Variants in BICD2 observed in about 807,000 individuals in gnomAD.
BICD2 encodes the protein protein bicaudal D homolog 2.
Under a neutral mutation model 72.9 loss-of-function variants are expected in BICD2, and 25 were observed. The ratio of observed to expected loss-of-function variants is 0.34; its 90% CI spans 0.25 to 0.48. The LOEUF (loss-of-function observed/expected upper bound fraction) is 0.48. Among genes scored for constraint, BICD2 ranks in the 20% least tolerant of loss-of-function variants. The pLI is 0.99. For missense variants in BICD2, 894 were observed against 1,175.2 expected (o/e 0.76, Z 3.50); for synonymous variants, 501 against 516.1 (o/e 0.97, Z 0.40).
chr9:92,746,670 C>T (rs899572719), intron 1 of BICD2, among the ~76,000 whole-genome samples: 1 of 152,162 alleles, frequency 6.6e-6, no homozygotes, highest in Non-Finnish European at 1.5e-5. Flanking sequence ...GGATGATGCT[C>T]AGCAGCAAGA....
At chr9:92,719,872 T>C (rs1853422615) in intron 4 of BICD2, among the ~76,000 whole-genome samples, 2 of 152,226 alleles carry the variant, frequency 1.3e-5, no homozygotes, top group African/African-American at 2.4e-5. Context: ...AAAGTGGAGC[T>C]CTAGGCTGGC....
chr9:92,723,494 T>C (rs1587672218), intron 2 of BICD2, among the ~76,000 whole-genome samples: 1 of 152,302 alleles, frequency 6.6e-6, no homozygotes, highest in East Asian at 1.9e-4. Context: ...TCCATTTCCA[T>C]GAAATATCCA....
In BICD2 at chr9:92,713,152, G is replaced by A. The variant is rs766953133; in HGVS notation, c.*2002C>T. ...ATAAAAAAAGAACATGTGTAACAAG[G>A]AGCCCCCGTGGTGGGCGTTTCCAGT... is the stretch of plus-strand genomic sequence containing the variant. On this transcript the variant is annotated 3_prime_UTR_variant, in exon 7 of 7. Transcript: ENST00000356884. 1.0e-4 allele frequency: 44 copies of A among 426,482 alleles called. No homozygotes were observed. Among genetic ancestry groups the A allele is most frequent in the Non-Finnish European group, 1.7e-4 (41 of 236,958 alleles). The allele number at this position is 426,482 out of a possible 1,614,324, so 26.4% of individuals were successfully genotyped here. A position where few individuals can be genotyped will look rare whatever the true frequency, so the allele number is the denominator to read the frequency against.
chr9:92,735,394 G>T (rs1486751914), intron 1 of BICD2, among the ~76,000 whole-genome samples: 1 of 152,020 alleles, frequency 6.6e-6, no homozygotes, highest in Admixed American at 6.5e-5. Flanking sequence ...CCAGGAGGGA[G>T]AAATCACAGG....
intron 6 of BICD2, among the ~76,000 whole-genome samples, chr9:92,715,975 G>A (rs79728584): frequency 6.6e-6 from 1 of 152,140 alleles, no homozygotes; most frequent in Non-Finnish European, 1.5e-5. Context: ...CAGAGCCAAG[G>A]AACCACGTGT....
At chr9:92,728,563 C>T (rs1043230446) in intron 2 of BICD2, among the ~76,000 whole-genome samples, 4 of 152,226 alleles carry the variant, frequency 2.6e-5, no homozygotes, top group Non-Finnish European at 5.9e-5. Context: ...GACACGCACA[C>T]CCTACCTCGA....
At chr9:92,739,076 C>A (rs1223778133) in intron 1 of BICD2, among the ~76,000 whole-genome samples, 1 of 152,180 alleles carries the variant, frequency 6.6e-6, no homozygotes, top group African/African-American at 2.4e-5. Context: ...GGCCCTCCCA[C>A]CACCTGCTAA....
At chr9:92,746,806 AG>A (rs1854023409) in intron 1 of BICD2, among the ~76,000 whole-genome samples, 1 of 152,244 alleles carries the variant, frequency 6.6e-6, no homozygotes. Context: ...CTGGGTGGAC[AG>A]GAAGAGTCTG....
At position 92,712,996 on chromosome 9, in the gene BICD2, A is replaced by C. The variant is rs895190757; in HGVS notation, c.*2158T>G. On this transcript the variant is annotated 3_prime_UTR_variant, in exon 7 of 7. Coordinates refer to ENST00000356884, the MANE Select transcript of BICD2 (RefSeq NM_001003800.2). Reference sequence around the variant, plus strand: ...CTCTGCCTCGTGCTGACACCAGACAAACACGGTGGGAGCTGAGGCGGACAG... The same window carrying C: ...CTCTGCCTCGTGCTGACACCAGACACACACGGTGGGAGCTGAGGCGGACAG... 1 of 171,924 alleles carries C rather than the reference A, an allele frequency of 5.8e-6. No individual in the cohort carries two copies. The highest frequency in any genetic ancestry group is 1.3e-5 in the Non-Finnish European group (1 of 78,972). The allele number at this position is 171,924 out of a possible 1,614,324, so 10.6% of individuals were successfully genotyped here.
intron 5 of BICD2, 150 bp downstream of exon 5, chr9:92,718,389 G>T: frequency 2.1e-6 from 2 of 943,162 alleles, no homozygotes; most frequent in East Asian, 2.7e-5. Context: ...AGCAGGGGAG[G>T]GTAGGCAGTC....
intron 1 of BICD2, among the ~76,000 whole-genome samples, chr9:92,739,287 T>C (rs1235087089): frequency 1.3e-5 from 2 of 152,210 alleles, no homozygotes. Flanking sequence ...GCATGCCTGG[T>C]CTCTGGTAGG....
At chr9:92,761,555 C>T (rs1237389413) in intron 1 of BICD2, among the ~76,000 whole-genome samples, 3 of 152,212 alleles carry the variant, frequency 2.0e-5, no homozygotes, top group African/African-American at 7.2e-5. Context: ...ATTACCCTCC[C>T]CTGACCATGA....
At chr9:92,729,300 AGCTCACAG>A (rs1250358902) in intron 1 of BICD2, 64 bp from the exon 2 acceptor site, 2 of 1,537,396 alleles carry the variant, frequency 1.3e-6, no homozygotes, top group Admixed American at 3.5e-5. Context: ...ATAGAGACCC[AGCTCACAG>A]GCGACATTCA....
intron 1 of BICD2, among the ~76,000 whole-genome samples, chr9:92,731,227 G>C (rs552792533): frequency 6.6e-6 from 1 of 152,282 alleles, no homozygotes; most frequent in East Asian, 1.9e-4. Flanking sequence ...ACACACCCAC[G>C]AGCCTGGAGC....
chr9:92,715,486 T>G (rs1311942841), intron 6 of BICD2, 23 bp from the exon 7 acceptor site: 2 of 1,558,670 alleles, frequency 1.3e-6, no homozygotes, highest in Admixed American at 1.8e-5. Context: ...AAAACATGAC[T>G]GAGGGGCGGG....
chr9:92,712,441 C>T lies in BICD2; in HGVS notation c.*2713G>A, dbSNP rs1247720753. On this transcript the variant is annotated 3_prime_UTR_variant, in exon 7 of 7. Transcript: ENST00000356884. ...CCTCCCTTAACTGATGAAGGCACTA[C>T]TGGCAATGATTACTAACAAAAAGGT... The T allele has an allele frequency of 6.6e-6, 1 of 152,554 alleles. No individual in the cohort carries two copies. The highest frequency in any genetic ancestry group is 1.5e-5 in the Non-Finnish European group (1 of 68,048). 9.5% of individuals were successfully genotyped at this position (152,554 alleles called of 1,614,324 possible).
chr9:92,751,103 G>A (rs1318200176), intron 1 of BICD2, among the ~76,000 whole-genome samples: 1 of 150,460 alleles, frequency 6.6e-6, no homozygotes, highest in Non-Finnish European at 1.5e-5. Context: ...TAGAGATGAG[G>A]TTTCACCATG....
chr9:92,753,442 ACTCT>A (rs1854190109), intron 1 of BICD2, among the ~76,000 whole-genome samples: 2 of 152,040 alleles, frequency 1.3e-5, no homozygotes, highest in South Asian at 4.1e-4. Context: ...GTATACAGCA[ACTCT>A]GTACTATTTT....
chr9:92,721,016 C>A (rs1469254036), intron 3 of BICD2, among the ~76,000 whole-genome samples: 1 of 152,214 alleles, frequency 6.6e-6, no homozygotes, highest in Non-Finnish European at 1.5e-5. Flanking sequence ...CCACCCACCG[C>A]TGGGACCAGC....
Sources: allele counts gnomAD v4.1 joint callset (sites outside exome capture counted in the v4.1 genomes callset), GRCh38; gene constraint gnomAD v4.1.1; transcripts MANE v1.5; gene names NCBI Gene and HGNC (gene_info 2026-07-23, HGNC 2026-07-21).